AUTS2: variants seen among roughly 807,000 people sequenced by gnomAD.
AUTS2 encodes the protein autism susceptibility gene 2 protein.
AUTS2 carries 17 observed loss-of-function variants against 112.4 expected under a neutral mutation model. The observed-to-expected ratio is 0.15, with a 90% CI of 0.10 to 0.23. The LOEUF is 0.23. Among genes scored for constraint, AUTS2 ranks in the 10% least tolerant of loss-of-function variants. AUTS2 has a pLI of 1.00. For synonymous variants in AUTS2, 751 were observed against 702.7 expected (o/e 1.07, Z -1.09); for missense variants, 1,510 against 1,701.6 (o/e 0.89, Z 1.98).
intron 1 of AUTS2, among the ~76,000 whole-genome samples, chr7:69,700,623 TA>T (rs1214091927): frequency 6.6e-6 from 1 of 152,216 alleles, no homozygotes; most frequent in Non-Finnish European, 1.5e-5. Context: ...ATGAGGCATA[TA>T]ATTCAGAGCC....
intron 4 of AUTS2, among the ~76,000 whole-genome samples, chr7:70,317,615 A>G (rs1005853870): frequency 8.5e-5 from 13 of 152,198 alleles, no homozygotes; most frequent in African/African-American, 3.1e-4. Context: ...GGGTTCTAGT[A>G]CCAGCAGTGT....
intron 1 of AUTS2, among the ~76,000 whole-genome samples, chr7:69,889,990 GCTTT>G (rs1794448498): frequency 6.6e-6 from 1 of 152,100 alleles, no homozygotes; most frequent in African/African-American, 2.4e-5. Context: ...GCTGTGCTCA[GCTTT>G]CAGAATGTTG....
chr7:70,658,552 T>C (rs1321300306), intron 5 of AUTS2, among the ~76,000 whole-genome samples: 1 of 152,196 alleles, frequency 6.6e-6, no homozygotes, highest in African/African-American at 2.4e-5. Context: ...CACAGGCTTC[T>C]GGGGGGCTTC....
At chr7:69,663,852 A>T (rs1199336363) in intron 1 of AUTS2, among the ~76,000 whole-genome samples, 2 of 152,216 alleles carry the variant, frequency 1.3e-5, no homozygotes, top group African/African-American at 2.4e-5. Context: ...TGCATGTATT[A>T]AATATTCAAC....
chr7:70,432,972 G>A (rs928401701), intron 4 of AUTS2, among the ~76,000 whole-genome samples: 6 of 152,218 alleles, frequency 3.9e-5, no homozygotes, highest in African/African-American at 1.4e-4. Context: ...CACCCGGCAT[G>A]TTGTGTGGGG....
intron 4 of AUTS2, among the ~76,000 whole-genome samples, chr7:70,278,581 ACAT>A (rs1562844515): frequency 1.0e-4 from 3 of 30,074 alleles, no homozygotes; most frequent in African/African-American, 1.4e-4. Context: ...TCTCTCAAAA[ACAT>A]ACATACATAC....
chr7:70,595,179 G>T (rs1803136857), intron 5 of AUTS2, among the ~76,000 whole-genome samples: 1 of 152,132 alleles, frequency 6.6e-6, no homozygotes, highest in Non-Finnish European at 1.5e-5. Context: ...CTGTTAGGGG[G>T]CTTGGTGCCA....
At chr7:70,652,737 A>G (rs77504287) in intron 5 of AUTS2, among the ~76,000 whole-genome samples, 157 of 151,566 alleles carry the variant, frequency 1.0e-3, no homozygotes, top group African/African-American at 3.8e-3. Context: ...TTAAAAAAAG[A>G]ATGGTTTTAT....
intron 1 of AUTS2, among the ~76,000 whole-genome samples, chr7:69,624,500 A>G (rs1358706329): frequency 6.6e-6 from 1 of 152,202 alleles, no homozygotes; most frequent in Admixed American, 6.5e-5. Context: ...ATTAAATAGC[A>G]AGCTTGCCCA....
At chr7:69,942,167 T>C (rs1345567339) in intron 2 of AUTS2, among the ~76,000 whole-genome samples, 1 of 152,204 alleles carries the variant, frequency 6.6e-6, no homozygotes, top group Non-Finnish European at 1.5e-5. Context: ...TTTTCTTTAC[T>C]TGTTTATGGT....
At chr7:69,604,519 G>C (rs941256095) in intron 1 of AUTS2, among the ~76,000 whole-genome samples, 2 of 152,332 alleles carry the variant, frequency 1.3e-5, no homozygotes, top group Middle Eastern at 3.4e-3. Flanking sequence ...TTAGAGACAG[G>C]CTAGTGAGAT....
chr7:70,567,498 T>A (rs527776064), intron 5 of AUTS2, among the ~76,000 whole-genome samples: 1 of 152,292 alleles, frequency 6.6e-6, no homozygotes, highest in East Asian at 1.9e-4. Flanking sequence ...TCTGATCCAT[T>A]AAATAAAGGA....
chr7:70,456,994 C>T (rs868373731), intron 5 of AUTS2, among the ~76,000 whole-genome samples: 6 of 152,310 alleles, frequency 3.9e-5, no homozygotes, highest in Middle Eastern at 6.8e-3. Context: ...TCATCTCCAC[C>T]CCCAAGCAGG....
chr7:69,829,881 A>G (rs1262386211), intron 1 of AUTS2, among the ~76,000 whole-genome samples: 1 of 152,182 alleles, frequency 6.6e-6, no homozygotes, highest in Non-Finnish European at 1.5e-5. Flanking sequence ...CAATCTCATT[A>G]CTGGGTATAT....
At chr7:70,043,718 TC>T (rs1346539663) in intron 2 of AUTS2, among the ~76,000 whole-genome samples, 1 of 151,672 alleles carries the variant, frequency 6.6e-6, no homozygotes, top group Non-Finnish European at 1.5e-5. Flanking sequence ...CAAGCAATTC[TC>T]CTGCCTCAGC....
intron 4 of AUTS2, among the ~76,000 whole-genome samples, chr7:70,212,720 A>T (rs1240926376): frequency 6.6e-6 from 1 of 152,214 alleles, no homozygotes; most frequent in Non-Finnish European, 1.5e-5. Flanking sequence ...TGAATCTTAA[A>T]ACACTGCATC....
chr7:69,996,649 C>T (rs958082689), intron 2 of AUTS2, among the ~76,000 whole-genome samples: 6 of 152,150 alleles, frequency 3.9e-5, no homozygotes, highest in Non-Finnish European at 7.4e-5. Flanking sequence ...CCTTTCCTTC[C>T]GTTCCAAAGT....
At chr7:70,537,814 T>C (rs13233742) in intron 5 of AUTS2, among the ~76,000 whole-genome samples, 3,493 of 152,114 alleles carry the variant, frequency 0.023, 59 homozygotes, top group Non-Finnish European at 0.032. Flanking sequence ...GGAGCAGAAA[T>C]GGAAGTAAGA....
intron 4 of AUTS2, among the ~76,000 whole-genome samples, chr7:70,164,257 T>G (rs1309205214): frequency 1.3e-5 from 2 of 150,854 alleles, no homozygotes; most frequent in African/African-American, 4.8e-5. Context: ...GTAATTGTTA[T>G]AAGATGTAAT....
Sources: gnomAD v4.1 joint callset for allele counts (sites outside exome capture counted in the v4.1 genomes callset) on GRCh38, gnomAD v4.1.1 for gene constraint, MANE v1.5 for transcripts, NCBI Gene and HGNC (gene_info 2026-07-23, HGNC 2026-07-21) for gene names.